Variants in SLC47A1 observed in about 807,000 individuals in gnomAD.
SLC47A1 encodes multidrug and toxin extrusion protein 1.
SLC47A1 carries 58 observed loss-of-function variants against 65.8 expected under a neutral mutation model. The observed-to-expected ratio is 0.88, with a 90% CI of 0.71 to 1.10. The LOEUF (loss-of-function observed/expected upper bound fraction) is 1.10. Ranked by LOEUF, SLC47A1 falls within the 50% of genes least tolerant of loss-of-function variation. SLC47A1 has a pLI of 0.00. For synonymous variants in SLC47A1, 285 were observed against 295.0 expected, an observed-to-expected ratio of 0.97 and a Z score of 0.35; for missense variants, 706 against 719.2, an observed-to-expected ratio of 0.98 and a Z score of 0.21.
chr17:19,544,049 G>A (rs916011552), intron 2 of SLC47A1, among the ~76,000 whole-genome samples: 4 of 152,166 alleles, frequency 2.6e-5, no homozygotes, highest in African/African-American at 7.2e-5. Flanking sequence ...TCCACCTCCC[G>A]GGTTCAAATG....
intron 16 of SLC47A1, among the ~76,000 whole-genome samples, chr17:19,576,241 T>C (rs1159896426): frequency 6.7e-6 from 1 of 150,354 alleles, no homozygotes; most frequent in Non-Finnish European, 1.5e-5. Context: ...CAGGGAGCCA[T>C]ATCTTGGGGT....
chr17:19,541,336 T>G (rs1328971670), intron 1 of SLC47A1, among the ~76,000 whole-genome samples: 1 of 152,166 alleles, frequency 6.6e-6, no homozygotes, highest in African/African-American at 2.4e-5. Flanking sequence ...ACTCCCCATT[T>G]TGGGCCGTGT....
Position 19,577,742 on chromosome 17 carries a change from C to T in SLC47A1, c.*189C>T. 2.8e-6 allele frequency: 4 copies of T among 1,411,076 alleles called. No homozygotes were observed. The highest frequency in any genetic ancestry group is 3.7e-6 in the Non-Finnish European group (4 of 1,087,448). 87.4% of individuals were successfully genotyped at this position (1,411,076 alleles called of 1,614,324 possible). A position where few individuals can be genotyped will look rare whatever the true frequency, so the allele number is the denominator to read the frequency against. ...CTAAGGTTAAAAGCTATATTGTGGC[C>T]CAAGACACTGTCTGAAAGATGACAT... On this transcript the variant is annotated 3_prime_UTR_variant, in exon 17 of 17. Coordinates refer to ENST00000270570, the MANE Select transcript of SLC47A1 (RefSeq NM_018242.3).
At position 19,555,807 on chromosome 17, in the gene SLC47A1, G is replaced by A. The variant is rs753326289; in HGVS notation, c.751G>A (p.Glu251Lys). The A allele has an allele frequency of 8.7e-6, 14 of 1,613,502 alleles. No homozygotes were observed. Among genetic ancestry groups the A allele is most frequent in the South Asian group, 6.6e-5 (6 of 91,072 alleles). Residue 251 changes from glutamate (E) to lysine (K), a missense_variant, in exon 9 of 17, where the codon GAG becomes AAG. Coordinates refer to ENST00000270570, the MANE Select transcript of SLC47A1 (RefSeq NM_018242.3). ...HQATWGGWSL[E>K]CLQDWASFLR... ...TGTCCCCCCCACAGGCTGGTCCCTCGAGTGCCTGCAGGACTGGGCCTCCTT... is the reference window on the plus strand; with the variant it reads ...TGTCCCCCCCACAGGCTGGTCCCTCAAGTGCCTGCAGGACTGGGCCTCCTT...
rs1276389138 is a variant in SLC47A1, at chr17:19,555,289, T to C, written c.621T>C (p.His207=). ...CCCTCGCCAACTATCTGTTTCTCCA[T>C]CAACTGCATCTTGGGGTGATGTGAG... is the stretch of plus-strand genomic sequence containing the variant. ...VNALANYLFL[H]QLHLGVIGSA... is the part of the protein sequence containing the mutation. The change falls in exon 7 of 17, where the codon CAT becomes CAC. Residue 207 remains histidine, a synonymous_variant. Transcript: ENST00000270570. 3.7e-6 allele frequency: 6 copies of C among 1,614,214 alleles called. No homozygotes were observed. In the Admixed American group the frequency reaches 8.3e-5, roughly 22 times the overall value.
chr17:19,574,750 T>G (rs1311529162), intron 16 of SLC47A1, among the ~76,000 whole-genome samples: 1 of 151,696 alleles, frequency 6.6e-6, no homozygotes, highest in Non-Finnish European at 1.5e-5. Flanking sequence ...CTCAGCCTCC[T>G]GAGTAGCTGG....
chr17:19,566,944 G>A, intron 13 of SLC47A1, 85 bp downstream of exon 13: 2 of 1,588,354 alleles, frequency 1.3e-6, no homozygotes, highest in Admixed American at 3.4e-5. Flanking sequence ...GCCAGCATAG[G>A]TAGGAAGATT....
chr17:19,545,173 G>A (rs1916252944), intron 2 of SLC47A1, among the ~76,000 whole-genome samples: 2 of 152,056 alleles, frequency 1.3e-5, no homozygotes, highest in Admixed American at 1.3e-4. Flanking sequence ...ATGTTTCACT[G>A]GAATTCAGGC....
chr17:19,568,407 A>G (rs916938249), intron 14 of SLC47A1, among the ~76,000 whole-genome samples: 2 of 152,240 alleles, frequency 1.3e-5, no homozygotes, highest in African/African-American at 4.8e-5. Flanking sequence ...ATATTATAGA[A>G]ATCTAATTTA....
chr17:19,560,808 G>A (rs977004729), intron 12 of SLC47A1, among the ~76,000 whole-genome samples: 6 of 151,586 alleles, frequency 4.0e-5, no homozygotes, highest in African/African-American at 1.5e-4. Flanking sequence ...GAGCCCAGGA[G>A]GCAGAGGTTG....
chr17:19,549,272 C>G (rs186707875), intron 4 of SLC47A1, among the ~76,000 whole-genome samples: 38 of 151,908 alleles, frequency 2.5e-4, no homozygotes, highest in Admixed American at 1.4e-3. Context: ...GATCTCAGCT[C>G]ACTGTAACCT....
intron 14 of SLC47A1, among the ~76,000 whole-genome samples, chr17:19,570,003 T>C (rs1476466017): frequency 6.6e-6 from 1 of 152,138 alleles, no homozygotes; most frequent in East Asian, 1.9e-4. Flanking sequence ...ATCCTAGTGC[T>C]TTGGAAGCCA....
rs142700879 is a variant in SLC47A1, at chr17:19,549,485, C to T, written c.456-150C>T. The T allele has an allele frequency of 4.8e-3, 3,726 of 777,640 alleles. 14 individuals are homozygous for T. Among genetic ancestry groups the T allele is most frequent in the Non-Finnish European group, 5.9e-3 (2,782 of 468,482 alleles). The allele number at this position is 777,640 out of a possible 1,614,324, so 48.2% of individuals were successfully genotyped here. The stretch of plus-strand genomic sequence containing the variant: ...CTGGGATTACAGGCGTGAGCCACCG[C>T]GCCCGGCCTGCTCCAGCAACTTAAG... On this transcript the variant is annotated intron_variant, in intron 4 of 16. Coordinates refer to ENST00000270570, the MANE Select transcript of SLC47A1 (RefSeq NM_018242.3).
chr17:19,549,066 G>A (rs1317335926), intron 4 of SLC47A1, among the ~76,000 whole-genome samples: 1 of 152,168 alleles, frequency 6.6e-6, no homozygotes, highest in African/African-American at 2.4e-5. Context: ...CACACAACAG[G>A]TGGAGAATTA....
Position 19,577,537 on chromosome 17 carries a change from A to G in SLC47A1, c.1697A>G (p.Tyr566Cys), listed in dbSNP as rs148469848. 4.2e-5 allele frequency: 68 copies of G among 1,614,002 alleles called. No homozygotes were observed. The highest frequency in any genetic ancestry group is 4.9e-5 in the Non-Finnish European group (58 of 1,180,002). The change falls in exon 17 of 17, where the codon TAT becomes TGT. Residue 566 changes from tyrosine to cysteine, a missense_variant. Tyr to Cys is a radical substitution (Grantham distance 194). Coordinates refer to ENST00000270570, the MANE Select transcript of SLC47A1 (RefSeq NM_018242.3). The stretch of plus-strand genomic sequence containing the variant: ...CTGGTGGGGATTTTAGTGAGATTCT[A>G]TGTCAGAATTCAGTGACGTGGTAGG... The part of the protein sequence containing the change: ...ILLVGILVRF[Y>C]VRIQ
intron 1 of SLC47A1, among the ~76,000 whole-genome samples, chr17:19,539,609 C>T (rs890840850): frequency 3.9e-5 from 6 of 152,048 alleles, no homozygotes; most frequent in Non-Finnish European, 8.8e-5. Flanking sequence ...CTCAGCCTCC[C>T]GAGTAGCTGG....
At chr17:19,550,856 C>T (rs1916428214) in intron 5 of SLC47A1, among the ~76,000 whole-genome samples, 1 of 152,162 alleles carries the variant, frequency 6.6e-6, no homozygotes, top group African/African-American at 2.4e-5. Flanking sequence ...CCCCGGTATC[C>T]CCTGTCTTCT....
chr17:19,574,976 G>A (rs1192301803), intron 16 of SLC47A1, among the ~76,000 whole-genome samples: 1 of 152,140 alleles, frequency 6.6e-6, no homozygotes, highest in Non-Finnish European at 1.5e-5. Context: ...TGTTGGGGTT[G>A]AGAAGCACCC....
chr17:19,558,842 G>A (rs1230090242), intron 10 of SLC47A1, among the ~76,000 whole-genome samples: 1 of 152,122 alleles, frequency 6.6e-6, no homozygotes, highest in Non-Finnish European at 1.5e-5. Context: ...TTTGTCAGGC[G>A]ATCTCTGTTT....
Sources: allele counts gnomAD v4.1 joint callset (sites outside exome capture counted in the v4.1 genomes callset), GRCh38; gene constraint gnomAD v4.1.1; transcripts MANE v1.5; gene names NCBI Gene and HGNC (gene_info 2026-07-23, HGNC 2026-07-21).